Variants in CDYL2 observed in about 807,000 individuals in gnomAD.
The protein encoded by CDYL2 is chromodomain Y like 2.
Under a neutral mutation model 49.4 loss-of-function variants are expected in CDYL2, and 23 were observed. The ratio of observed to expected loss-of-function variants is 0.47; its 90% CI spans 0.34 to 0.66. The LOEUF (loss-of-function observed/expected upper bound fraction) is 0.66, where lower values mean the gene tolerates loss of function less well. Ranked by LOEUF, CDYL2 falls within the 30% of genes least tolerant of loss-of-function variation. The pLI is 0.01. For missense variants in CDYL2, 678 were observed against 656.4 expected (o/e 1.03, Z -0.36); for synonymous variants, 360 against 268.8 (o/e 1.34, Z -3.32).
intron 1 of CDYL2, chr16:80,738,784 G>C (rs777793544): frequency 6.6e-6 from 1 of 152,192 alleles, no homozygotes. Context: ...TCTCAGTTAA[G>C]CTATTTTTTA....
chr16:80,613,664 A>G (rs755009509), intron 4 of CDYL2, among the ~76,000 whole-genome samples: 6 of 152,216 alleles, frequency 3.9e-5, no homozygotes, highest in Non-Finnish European at 8.8e-5. Flanking sequence ...GCCATCAACA[A>G]TGACCTGTAT....
chr16:80,804,228 C>CGTGCGTGTGCGCGCGGGGTCCGGT lies in CDYL2; in HGVS notation c.-79_-56dup. On this transcript the variant is annotated 5_prime_UTR_variant, in exon 1 of 7. Transcript: ENST00000570137. ...TGCGCGTCTGCTCGCTCGCGCCCTC[C>CGTGCGTGTGCGCGCGGGGTCCGGT]GTGCGTGTGCGCGCGGGGTCCGGTG... 1 of 1,324,582 alleles carries CGTGCGTGTGCGCGCGGGGTCCGGT rather than the reference C, an allele frequency of 7.5e-7. No homozygotes were observed. The highest frequency in any genetic ancestry group is 9.9e-7 in the Non-Finnish European group (1 of 1,009,684). 82.1% of individuals were successfully genotyped at this position (1,324,582 alleles called of 1,614,324 possible). A position where few individuals can be genotyped will look rare whatever the true frequency, so the allele number is the denominator to read the frequency against.
chr16:80,794,598 A>AT (rs966789395), intron 1 of CDYL2, among the ~76,000 whole-genome samples: 2,844 of 66,876 alleles, frequency 0.043, 410 homozygotes, highest in Non-Finnish European at 0.054. Flanking sequence ...ATTCCCAGTG[A>AT]TTTTTTTTTT....
At chr16:80,678,048 G>C (rs1303839764) in intron 2 of CDYL2, among the ~76,000 whole-genome samples, 1 of 151,898 alleles carries the variant, frequency 6.6e-6, no homozygotes, top group African/African-American at 2.4e-5. Context: ...TGGGAAAACT[G>C]GCTAGCCATA....
chr16:80,749,873 T>A (rs964616715), intron 1 of CDYL2, among the ~76,000 whole-genome samples: 3 of 152,182 alleles, frequency 2.0e-5, no homozygotes, highest in Non-Finnish European at 4.4e-5. Context: ...TAAGAAAATG[T>A]GGCACATAGA....
chr16:80,643,012 A>C (rs1908170044), intron 2 of CDYL2, among the ~76,000 whole-genome samples: 1 of 152,146 alleles, frequency 6.6e-6, no homozygotes, highest in Non-Finnish European at 1.5e-5. Flanking sequence ...CCAAAAGTCC[A>C]CAGTGCAAAG....
At chr16:80,705,815 TG>T (rs1904385525) in intron 1 of CDYL2, among the ~76,000 whole-genome samples, 1 of 152,266 alleles carries the variant, frequency 6.6e-6, no homozygotes, top group Non-Finnish European at 1.5e-5. Flanking sequence ...TAAAAACAAA[TG>T]GTGGGCCAGA....
chr16:80,708,962 C>T (rs185263027), intron 1 of CDYL2, among the ~76,000 whole-genome samples: 6 of 152,140 alleles, frequency 3.9e-5, no homozygotes, highest in East Asian at 3.9e-4. Flanking sequence ...ATCTACATTC[C>T]GAAAATAAAA....
chr16:80,749,488 C>A (rs1319799469), intron 1 of CDYL2, among the ~76,000 whole-genome samples: 2 of 152,044 alleles, frequency 1.3e-5, no homozygotes, highest in Non-Finnish European at 2.9e-5. Flanking sequence ...TTTAGTCTGT[C>A]CAGAAAACAA....
At chr16:80,693,974 CTG>C (rs950781165) in intron 1 of CDYL2, among the ~76,000 whole-genome samples, 1 of 152,180 alleles carries the variant, frequency 6.6e-6, no homozygotes, top group African/African-American at 2.4e-5. Context: ...CTTTAGAAAA[CTG>C]TGTTTTAATT....
intron 1 of CDYL2, among the ~76,000 whole-genome samples, chr16:80,736,711 G>A (rs1203912885): frequency 6.6e-6 from 1 of 152,186 alleles, no homozygotes; most frequent in African/African-American, 2.4e-5. Context: ...AGGAGTTCAA[G>A]ATGAGACTGG....
At chr16:80,624,946 A>T (rs1907237722) in intron 3 of CDYL2, among the ~76,000 whole-genome samples, 1 of 152,198 alleles carries the variant, frequency 6.6e-6, no homozygotes, top group Non-Finnish European at 1.5e-5. Flanking sequence ...TAAAGACAAG[A>T]ATGCTAAGAT....
At chr16:80,725,111 C>T (rs1282077086) in intron 1 of CDYL2, among the ~76,000 whole-genome samples, 3 of 152,132 alleles carry the variant, frequency 2.0e-5, no homozygotes, top group Non-Finnish European at 4.4e-5. Context: ...ACCACAGAGC[C>T]TTGGTGGGCA....
chr16:80,758,732 CA>C (rs1906406663), intron 1 of CDYL2, among the ~76,000 whole-genome samples: 1 of 151,762 alleles, frequency 6.6e-6, no homozygotes, highest in African/African-American at 2.4e-5. Context: ...TTAGTAGAGA[CA>C]GGGTTTCACC....
At chr16:80,657,571 C>A (rs928098290) in intron 2 of CDYL2, among the ~76,000 whole-genome samples, 2 of 152,060 alleles carry the variant, frequency 1.3e-5, no homozygotes, top group African/African-American at 2.4e-5. Flanking sequence ...AAACTCATAA[C>A]AAAGAAAATT....
chr16:80,668,938 T>C (rs1909384452), intron 2 of CDYL2, among the ~76,000 whole-genome samples: 1 of 152,008 alleles, frequency 6.6e-6, no homozygotes, highest in South Asian at 2.1e-4. Context: ...TAAAATTAAA[T>C]GCTTATATTT....
intron 1 of CDYL2, among the ~76,000 whole-genome samples, chr16:80,750,386 T>A (rs1906089937): frequency 1.4e-5 from 2 of 139,648 alleles, no homozygotes; most frequent in African/African-American, 5.3e-5. Flanking sequence ...ATAAAAACAG[T>A]AGACTGGATC....
intron 1 of CDYL2, among the ~76,000 whole-genome samples, chr16:80,773,577 T>G (rs945240633): frequency 1.3e-5 from 2 of 152,184 alleles, no homozygotes; most frequent in African/African-American, 4.8e-5. Context: ...AAGGCAATTC[T>G]GATACATCTT....
intron 1 of CDYL2, among the ~76,000 whole-genome samples, chr16:80,798,178 C>CT (rs1907823086): frequency 6.6e-6 from 1 of 152,126 alleles, no homozygotes; most frequent in Non-Finnish European, 1.5e-5. Context: ...GTAGCTGGAA[C>CT]TACAAACACA....
Sources: gnomAD v4.1 joint callset for allele counts (sites outside exome capture counted in the v4.1 genomes callset) on GRCh38, gnomAD v4.1.1 for gene constraint, MANE v1.5 for transcripts, NCBI Gene and HGNC (gene_info 2026-07-23, HGNC 2026-07-21) for gene names.